The following RIMS3 variants were observed in gnomAD, a reference collection of about 807,000 sequenced individuals.
RIMS3 encodes the protein regulating synaptic membrane exocytosis 3, also known as regulating synaptic membrane exocytosis protein 3.
RIMS3 carries 15 observed loss-of-function variants against 29.2 expected under a neutral mutation model. The ratio of observed to expected loss-of-function variants is 0.51; its 90% CI spans 0.34 to 0.79. The LOEUF is 0.79. Ranked by LOEUF, RIMS3 falls within the 30% of genes least tolerant of loss-of-function variation. The probability of loss-of-function intolerance (pLI) is 0.01; values close to 1 mark genes in which losing one functional copy is unlikely to be tolerated. For synonymous variants in RIMS3, 161 were observed against 170.1 expected (o/e 0.95, Z 0.41); for missense variants, 342 against 421.4 (o/e 0.81, Z 1.65).
upstream of RIMS3, among the ~76,000 whole-genome samples, chr1:40,666,068 C>A (rs147043716): frequency 6.6e-5 from 10 of 152,306 alleles, no homozygotes; most frequent in Non-Finnish European, 1.3e-4. Context: ...AGAGAAGAAA[C>A]GACTTACAAA....
Position 40,624,269 on chromosome 1 carries a change from A to C in RIMS3, c.*2248T>G, listed in dbSNP as rs1646440024. The C allele has an allele frequency of 6.6e-6, 1 of 152,234 alleles. No individual in the cohort carries two copies. Among genetic ancestry groups the C allele is most frequent in the South Asian group, 2.1e-4 (1 of 4,832 alleles). 9.4% of individuals were successfully genotyped at this position (152,234 alleles called of 1,614,324 possible). A position where few individuals can be genotyped will look rare whatever the true frequency, so the allele number is the denominator to read the frequency against. On this transcript the variant is annotated 3_prime_UTR_variant, in exon 8 of 8. Coordinates refer to ENST00000372684, the MANE Select transcript of RIMS3 (RefSeq NM_014747.3). The stretch of plus-strand genomic sequence containing the variant: ...AAACATCTATACTGTCCTGTGGGTC[A>C]CTAACAACCCTATCATCCCAAAGGT...
At chr1:40,640,885 C>T (rs1001878964) in intron 3 of RIMS3, among the ~76,000 whole-genome samples, 4 of 152,192 alleles carry the variant, frequency 2.6e-5, no homozygotes, top group African/African-American at 9.6e-5. Flanking sequence ...CATGTGTAAT[C>T]AGAGGGCTGT....
rs1646418080 is a variant in RIMS3 at position 40,621,080 on chromosome 1, T to G, written c.*5437A>C. On this transcript the variant is annotated 3_prime_UTR_variant, in exon 8 of 8. Coordinates refer to ENST00000372684, the MANE Select transcript of RIMS3 (RefSeq NM_014747.3). Reference sequence around the variant, plus strand: ...CTGCCCCACCTTCTGAAATGATGTCTGGTTAAAGACATTCTGGAGGGAGGA... The same window carrying G: ...CTGCCCCACCTTCTGAAATGATGTCGGGTTAAAGACATTCTGGAGGGAGGA... 1 of 152,252 alleles carries G rather than the reference T, an allele frequency of 6.6e-6. No individual in the cohort carries two copies. The highest frequency in any genetic ancestry group is 2.1e-4 in the South Asian group (1 of 4,828). 9.4% of individuals were successfully genotyped at this position (152,252 alleles called of 1,614,324 possible). A position where few individuals can be genotyped will look rare whatever the true frequency, so the allele number is the denominator to read the frequency against.
intron 1 of RIMS3, among the ~76,000 whole-genome samples, chr1:40,651,399 G>A (rs1233472731): frequency 6.6e-6 from 1 of 152,194 alleles, no homozygotes; most frequent in Non-Finnish European, 1.5e-5. Context: ...GGAGGGGCAC[G>A]GAACAGATTT....
chr1:40,670,574 T>TTATATATATATATATATACATATATA (rs1642480296), upstream of RIMS3, among the ~76,000 whole-genome samples: 1 of 71,210 alleles, frequency 1.4e-5, no homozygotes, highest in Non-Finnish European at 2.4e-5. Flanking sequence ...AGTTATAATT[T>TTATATATATATATATATACATATATA]TATATATATA....
At chr1:40,686,713 A>C in the RIMS3 span, among the ~76,000 whole-genome samples, 1 of 152,200 alleles carries the variant, frequency 6.6e-6, no homozygotes, top group African/African-American at 2.4e-5. Context: ...CTCAATCGCC[A>C]GTCAATGGTC....
chr1:40,629,100 C>T, intron 6 of RIMS3, 151 bp from the exon 7 acceptor site: 1 of 1,125,988 alleles, frequency 8.9e-7, no homozygotes, highest in Non-Finnish European at 1.3e-6. Context: ...GACTCAAGTA[C>T]TGATTCCTCC....
At chr1:40,662,462 T>A (rs1570207471) in intron 1 of RIMS3, among the ~76,000 whole-genome samples, 1 of 152,288 alleles carries the variant, frequency 6.6e-6, no homozygotes, top group Non-Finnish European at 1.5e-5. Flanking sequence ...AATTACCTGC[T>A]CTGGGTCATG....
the RIMS3 span, chr1:40,691,466 C>CAGGGT: frequency 6.9e-6 from 2 of 288,512 alleles, no homozygotes; most frequent in Non-Finnish European, 1.4e-5. Flanking sequence ...CAAGGATAGG[C>CAGGGT]AGGGTGGTGG....
the RIMS3 span, among the ~76,000 whole-genome samples, chr1:40,683,810 A>T: frequency 6.6e-6 from 1 of 152,254 alleles, no homozygotes; most frequent in African/African-American, 2.4e-5. Context: ...AGTGTTGGTT[A>T]GATAAAGGTT....
At chr1:40,643,016 TA>T (rs1646569336) in intron 2 of RIMS3, among the ~76,000 whole-genome samples, 1 of 152,164 alleles carries the variant, frequency 6.6e-6, no homozygotes, top group African/African-American at 2.4e-5. Flanking sequence ...CTATGTATGC[TA>T]CCGTGATATT....
the RIMS3 span, among the ~76,000 whole-genome samples, chr1:40,671,903 C>T: frequency 3.3e-5 from 5 of 151,930 alleles, no homozygotes; most frequent in African/African-American, 1.2e-4. Context: ...GCTGTGACTA[C>T]AGGCATGTAC....
chr1:40,691,550 G>A, the RIMS3 span: 11 of 281,598 alleles, frequency 3.9e-5, no homozygotes, highest in Admixed American at 5.2e-4. Context: ...CTCCCGAAAG[G>A]GGGCGGGGTT....
rs936770271 is a variant in RIMS3, at chr1:40,623,150, C to T, written c.*3367G>A. 27 of 347,832 alleles carry T rather than the reference C, an allele frequency of 7.8e-5. No homozygotes were observed. The highest frequency in any genetic ancestry group is 5.2e-4 in the African/African-American group (25 of 47,742). The allele number at this position is 347,832 out of a possible 1,614,324, so 21.5% of individuals were successfully genotyped here. On this transcript the variant is annotated 3_prime_UTR_variant, in exon 8 of 8. Coordinates refer to ENST00000372684, the MANE Select transcript of RIMS3 (RefSeq NM_014747.3). ...TTGGAGCTCCTGGGTTCTGCCTCAG[C>T]CCCCATGAAATGCTGGCATTGCCTG...
At chr1:40,679,220 C>T in the RIMS3 span, among the ~76,000 whole-genome samples, 1 of 152,164 alleles carries the variant, frequency 6.6e-6, no homozygotes, top group Non-Finnish European at 1.5e-5. Flanking sequence ...GGTCTCCAAG[C>T]CCATAACTAC....
At chr1:40,691,584 C>T in the RIMS3 span, 2 of 337,390 alleles carry the variant, frequency 5.9e-6, no homozygotes, top group Admixed American at 7.4e-5. Flanking sequence ...CTCATTCCGC[C>T]TCCCTCTGTC....
chr1:40,692,028 C>T, the RIMS3 span: 2,833 of 201,222 alleles, frequency 0.014, 29 homozygotes, highest in Non-Finnish European at 0.022. Flanking sequence ...CTTGCCTGGC[C>T]CGCTGCTGTC....
chr1:40,651,408 T>A (rs1349712768), intron 1 of RIMS3, among the ~76,000 whole-genome samples: 1 of 152,168 alleles, frequency 6.6e-6, no homozygotes, highest in Non-Finnish European at 1.5e-5. Flanking sequence ...CGGAACAGAT[T>A]TTCCCTCACA....
At position 40,656,994 on chromosome 1, in the gene RIMS3, C is replaced by A. The variant is rs1322495800; in HGVS notation, c.-207+8400G>T. 2.0e-5 allele frequency among the ~76,000 whole-genome samples: 3 copies of A among 152,288 alleles called. No individual in the cohort carries two copies. The East Asian group carries it at 5.8e-4, about 29-fold the overall frequency. ...CTTGCAGGAGTTCGGGCACAGTGCC[C>A]CGCTAGTGCCCTGTTGCTACAGCCT... On this transcript the variant is annotated intron_variant, in intron 1 of 7. Coordinates refer to ENST00000372684, the MANE Select transcript of RIMS3 (RefSeq NM_014747.3).
Sources: allele counts gnomAD v4.1 joint callset (sites outside exome capture counted in the v4.1 genomes callset), GRCh38; gene constraint gnomAD v4.1.1; transcripts MANE v1.5; gene names NCBI Gene and HGNC (gene_info 2026-07-23, HGNC 2026-07-21).